The following MYO1D variants were observed in gnomAD, a reference collection of about 807,000 sequenced individuals.
MYO1D encodes the protein unconventional myosin-Id.
Under a neutral mutation model 122.0 loss-of-function variants are expected in MYO1D, and 83 were observed. The ratio of observed to expected loss-of-function variants is 0.68; its 90% confidence interval spans 0.57 to 0.82. MYO1D has a LOEUF of 0.82. Ranked by LOEUF, MYO1D falls within the 40% of genes least tolerant of loss-of-function variation. The pLI is 0.00. For synonymous variants in MYO1D, 464 were observed against 446.9 expected (o/e 1.04, Z -0.48); for missense variants, 1,157 against 1,269.5 (o/e 0.91, Z 1.35).
At chr17:32,507,818 C>T (rs1002197223) in intron 21 of MYO1D, among the ~76,000 whole-genome samples, 1 of 151,652 alleles carries the variant, frequency 6.6e-6, no homozygotes, top group East Asian at 1.9e-4. Flanking sequence ...CTCCCCACCA[C>T]GTGAGGACTC....
chr17:32,715,523 G>A (rs2150988476), intron 15 of MYO1D, among the ~76,000 whole-genome samples: 2 of 151,914 alleles, frequency 1.3e-5, no homozygotes, highest in East Asian at 3.9e-4. Flanking sequence ...TGGCTACTCT[G>A]GCTACTACTA....
intron 14 of MYO1D, among the ~76,000 whole-genome samples, chr17:32,731,975 C>A (rs955573628): frequency 6.6e-6 from 1 of 152,238 alleles, no homozygotes; most frequent in East Asian, 1.9e-4. Flanking sequence ...CTGGTCTTGG[C>A]GCCCACTCTG....
chr17:32,848,950 T>C (rs973465730), intron 1 of MYO1D, among the ~76,000 whole-genome samples: 2 of 152,212 alleles, frequency 1.3e-5, no homozygotes, highest in Non-Finnish European at 1.5e-5. Context: ...CAAAGTTACA[T>C]AAACATATAT....
intron 21 of MYO1D, among the ~76,000 whole-genome samples, chr17:32,503,488 T>C (rs112469798): frequency 3.9e-5 from 6 of 152,170 alleles, no homozygotes; most frequent in Non-Finnish European, 8.8e-5. Flanking sequence ...CAAGGGAAAA[T>C]GCAGTGGAAG....
chr17:32,701,216 A>G (rs2150980676), intron 16 of MYO1D, among the ~76,000 whole-genome samples: 1 of 152,310 alleles, frequency 6.6e-6, no homozygotes, highest in African/African-American at 2.4e-5. Flanking sequence ...AATTACCAAA[A>G]TTAATCCCAC....
intron 21 of MYO1D, among the ~76,000 whole-genome samples, chr17:32,503,300 C>T (rs1045704583): frequency 4.6e-5 from 7 of 152,196 alleles, no homozygotes; most frequent in East Asian, 1.9e-4. Flanking sequence ...ACCAGGAAAG[C>T]GGGTCCTGGG....
intron 1 of MYO1D, among the ~76,000 whole-genome samples, chr17:32,793,624 A>C (rs1034588185): frequency 6.6e-6 from 1 of 152,192 alleles, no homozygotes; most frequent in African/African-American, 2.4e-5. Context: ...TTGTTAACAC[A>C]CTGAAGCCTA....
intron 20 of MYO1D, among the ~76,000 whole-genome samples, chr17:32,629,736 A>G (rs2087979062): frequency 6.6e-6 from 1 of 151,682 alleles, no homozygotes; most frequent in Non-Finnish European, 1.5e-5. Flanking sequence ...ATCTCAAGAA[A>G]AAAAAAAAAA....
At chr17:32,715,705 G>C (rs960917322) in intron 15 of MYO1D, among the ~76,000 whole-genome samples, 2 of 152,028 alleles carry the variant, frequency 1.3e-5, no homozygotes, top group East Asian at 3.9e-4. Flanking sequence ...TTTTCAATTT[G>C]TGTGTTATCC....
chr17:32,790,075 G>T (rs1401365693), intron 1 of MYO1D, among the ~76,000 whole-genome samples: 1 of 152,122 alleles, frequency 6.6e-6, no homozygotes, highest in African/African-American at 2.4e-5. Flanking sequence ...CACCTATATA[G>T]AGCAAGAGTT....
chr17:32,548,484 G>A (rs2086983815), intron 21 of MYO1D, among the ~76,000 whole-genome samples: 1 of 151,852 alleles, frequency 6.6e-6, no homozygotes, highest in Non-Finnish European at 1.5e-5. Context: ...AGGCAGAGGA[G>A]GGAAAATGAG....
At chr17:32,560,246 C>T (rs913510621) in intron 21 of MYO1D, among the ~76,000 whole-genome samples, 13 of 151,766 alleles carry the variant, frequency 8.6e-5, no homozygotes, top group Non-Finnish European at 1.8e-4. Context: ...CAGAATGAGA[C>T]TCCATCTCAA....
At chr17:32,792,458 G>A (rs1377667273) in intron 1 of MYO1D, 1 of 152,136 alleles carries the variant, frequency 6.6e-6, no homozygotes, top group Non-Finnish European at 1.5e-5. Flanking sequence ...ATAAGGTTCA[G>A]CCCACCTTGC....
At chr17:32,500,137 G>T (rs1909268812) in intron 21 of MYO1D, among the ~76,000 whole-genome samples, 1 of 152,194 alleles carries the variant, frequency 6.6e-6, no homozygotes, top group African/African-American at 2.4e-5. Flanking sequence ...ATGCTCCCAG[G>T]TGCTGATGGG....
intron 21 of MYO1D, among the ~76,000 whole-genome samples, chr17:32,553,706 C>T (rs185508622): frequency 6.6e-6 from 1 of 152,256 alleles, no homozygotes; most frequent in East Asian, 1.9e-4. Flanking sequence ...TTCTCCTCCT[C>T]AACACCCCTT....
At chr17:32,812,460 G>C (rs753818527) in intron 1 of MYO1D, among the ~76,000 whole-genome samples, 1 of 152,142 alleles carries the variant, frequency 6.6e-6, no homozygotes, top group Non-Finnish European at 1.5e-5. Context: ...AGGTTACAAA[G>C]GTCAGGGGTG....
intron 21 of MYO1D, chr17:32,528,962 G>C (rs1459192890): frequency 6.6e-6 from 1 of 152,250 alleles, no homozygotes; most frequent in Non-Finnish European, 1.5e-5. Flanking sequence ...CAAATCTGTG[G>C]TAATTTGTTA....
chr17:32,576,191 G>A (rs1247558214), intron 21 of MYO1D, among the ~76,000 whole-genome samples: 9 of 152,178 alleles, frequency 5.9e-5, no homozygotes, highest in Non-Finnish European at 1.2e-4. Context: ...TGGAGAACTT[G>A]CCAGCTTGCT....
chr17:32,662,659 C>T (rs190725188), intron 16 of MYO1D, among the ~76,000 whole-genome samples: 14 of 151,124 alleles, frequency 9.3e-5, no homozygotes, highest in Non-Finnish European at 1.8e-4. Flanking sequence ...GGTGACAGAG[C>T]GAGACTGTCT....
Sources: gnomAD v4.1 joint callset for allele counts (sites outside exome capture counted in the v4.1 genomes callset) on GRCh38, gnomAD v4.1.1 for gene constraint, MANE v1.5 for transcripts, NCBI Gene and HGNC (gene_info 2026-07-23, HGNC 2026-07-21) for gene names.